The following KLF11 variants were observed in gnomAD, a reference collection of about 807,000 sequenced individuals.
The protein encoded by KLF11 is Krueppel-like factor 11.
A neutral mutation model predicts 29.9 loss-of-function variants in KLF11; 26 were observed. That is an observed-to-expected ratio of 0.87 (90% CI 0.64 to 1.21). The LOEUF (loss-of-function observed/expected upper bound fraction) is 1.21. Ranked by LOEUF, KLF11 falls within the 50% of genes most tolerant of loss-of-function variation. The pLI is 0.00. For missense variants in KLF11, 778 were observed against 665.7 expected, an observed-to-expected ratio of 1.17 and a Z score of -1.86; for synonymous variants, 318 against 257.4, an observed-to-expected ratio of 1.24 and a Z score of -2.25.
intron 1 of KLF11, chr2:10,044,249 C>T: frequency 1.0e-6 from 1 of 978,718 alleles, no homozygotes; most frequent in Non-Finnish European, 1.2e-6. Context: ...GGTCTAGGGG[C>T]CGGGGCAACG....
At position 10,048,495 on chromosome 2, in the gene KLF11, A is replaced by G; in HGVS notation, c.1158A>G (p.Val386=). ...CTAGCCAAAACTGTGTCCCTCAGGTAGACTTTTCCCGAAGGAGGAACTATG... is the reference window on the plus strand; with the variant it reads ...CTAGCCAAAACTGTGTCCCTCAGGTGGACTTTTCCCGAAGGAGGAACTATG... ...ITSSQNCVPQ[V]DFSRRRNYVC... The change falls in exon 3 of 4, where the codon GTA becomes GTG. Residue 386 remains valine (V), a synonymous_variant. Coordinates refer to ENST00000305883, the MANE Select transcript of KLF11 (RefSeq NM_003597.5). 6.2e-7 allele frequency: 1 copy of G among 1,613,960 alleles called. No individual in the cohort carries two copies. Among genetic ancestry groups the G allele is most frequent in the South Asian group, 1.1e-5 (1 of 91,088 alleles).
At chr2:10,047,109 T>C (rs2125278028) in intron 2 of KLF11, among the ~76,000 whole-genome samples, 2 of 152,290 alleles carry the variant, frequency 1.3e-5, no homozygotes, top group South Asian at 4.2e-4. Flanking sequence ...TTGCCTTCGT[T>C]GGGTGGCACC....
Position 10,048,265 on chromosome 2 carries a change from T to C in KLF11, c.928T>C (p.Ser310Pro), listed in dbSNP as rs759266535. The C allele has an allele frequency of 1.4e-5, 23 of 1,609,222 alleles. No individual in the cohort carries two copies. The highest frequency in any genetic ancestry group is 1.7e-4 in the Middle Eastern group (1 of 6,060). The change falls in exon 3 of 4, where the codon TCT becomes CCT. Residue 310 changes from serine (S) to proline (P), a missense_variant. By Grantham distance (74) the Ser-to-Pro change is moderately conservative. Coordinates refer to ENST00000305883, the MANE Select transcript of KLF11 (RefSeq NM_003597.5). ...PAFLKPPPQL[S>P]VGTVRPILAQ... The stretch of plus-strand genomic sequence containing the variant: ...TTTTTTGAAGCCCCCTCCCCAGTTG[T>C]CTGTGGGGACTGTGAGACCCATCCT...
chr2:10,052,611 G>A lies in KLF11; in HGVS notation c.*104G>A, dbSNP rs1274155925. The A allele has an allele frequency of 1.9e-5, 23 of 1,224,328 alleles. No homozygotes were observed. Among genetic ancestry groups the A allele is most frequent in the South Asian group, 1.0e-4 (8 of 77,464 alleles). The allele number at this position is 1,224,328 out of a possible 1,614,324, so 75.8% of individuals were successfully genotyped here. On this transcript the variant is annotated 3_prime_UTR_variant, in exon 4 of 4. Coordinates refer to ENST00000305883, the MANE Select transcript of KLF11 (RefSeq NM_003597.5). ...TGCCTCACCCAAAAAAAACGGTCTTGGCGGCCTAGGGGAAGATCGGGGAGC... is the reference window on the plus strand; with the variant it reads ...TGCCTCACCCAAAAAAAACGGTCTTAGCGGCCTAGGGGAAGATCGGGGAGC...
rs886054728 is a variant in KLF11, at chr2:10,053,461, C to G, written c.*954C>G. On this transcript the variant is annotated 3_prime_UTR_variant, in exon 4 of 4. Coordinates refer to ENST00000305883, the MANE Select transcript of KLF11 (RefSeq NM_003597.5). ...TACTATATTGTGGGTAGAGTAACTT[C>G]TCAGAAAAAAAGGAAATGTCTGTAT... 1.5e-5 allele frequency: 6 copies of G among 398,484 alleles called. No homozygotes were observed. 24.7% of individuals were successfully genotyped at this position (398,484 alleles called of 1,614,324 possible).
rs1661301377 is a variant in KLF11, at chr2:10,048,458, T to C, written c.1121T>C (p.Val374Ala). 1 of 1,614,042 alleles carries C rather than the reference T, an allele frequency of 6.2e-7. No individual in the cohort carries two copies. The highest frequency in any genetic ancestry group is 1.3e-5 in the African/African-American group (1 of 74,940). ...TTGTTGCCCCTTGCCCCTGCTCCAG[T>C]GTTCATCACCTCTAGCCAAAACTGT... is the stretch of plus-strand genomic sequence containing the variant. Reference protein sequence around the residue: ...TKLLPLAPAPVFITSSQNCVP... With the variant: ...TKLLPLAPAPAFITSSQNCVP... The change falls in exon 3 of 4, where the codon GTG becomes GCG. Residue 374 changes from valine (V) to alanine (A), a missense_variant. Physicochemically the swap from Val to Ala is moderately conservative, Grantham distance 64 (BLOSUM62 0). Transcript: ENST00000305883.
At chr2:10,045,208 C>T (rs1181589392) in intron 1 of KLF11, among the ~76,000 whole-genome samples, 4 of 152,046 alleles carry the variant, frequency 2.6e-5, no homozygotes, top group Admixed American at 2.6e-4. Flanking sequence ...GGTGGATCGC[C>T]TGAGGTCAGG....
In KLF11 at chr2:10,046,356, C is replaced by G. The variant is rs1223693295; in HGVS notation, c.249C>G (p.Thr83=). The change falls in exon 2 of 4, where the codon ACC becomes ACG. Residue 83 remains threonine, a synonymous_variant. Coordinates refer to ENST00000305883, the MANE Select transcript of KLF11 (RefSeq NM_003597.5). ...TCTCTGACTCTGGGGATGTCACCAC[C>G]ACTGTGCATATGGATGCAGCCACAC... ...TPVSDSGDVT[T]TVHMDAATPE... 11 of 1,614,188 alleles carry G rather than the reference C, an allele frequency of 6.8e-6. No homozygotes were observed. The highest frequency in any genetic ancestry group is 9.3e-6 in the Non-Finnish European group (11 of 1,180,046).
chr2:10,049,804 G>A (rs1230895084), intron 3 of KLF11, among the ~76,000 whole-genome samples: 1 of 152,192 alleles, frequency 6.6e-6, no homozygotes, highest in Non-Finnish European at 1.5e-5. Flanking sequence ...TGATAAAAGG[G>A]CCTGACACTA....
At chr2:10,050,214 C>G (rs921298623) in intron 3 of KLF11, among the ~76,000 whole-genome samples, 4 of 152,226 alleles carry the variant, frequency 2.6e-5, no homozygotes, top group Admixed American at 2.0e-4. Context: ...TGAGACCAGC[C>G]TGGCCAACAT....
At position 10,046,411 on chromosome 2, in the gene KLF11, T is replaced by C. The variant is rs1224075000; in HGVS notation, c.304T>C (p.Ser102Pro). The change falls in exon 2 of 4, where the codon TCG becomes CCG. Residue 102 changes from serine (S) to proline (P), a missense_variant. Ser to Pro is a moderately conservative substitution (Grantham distance 74). Coordinates refer to ENST00000305883, the MANE Select transcript of KLF11 (RefSeq NM_003597.5). ...PELPKDFHSLSTLCITPPQSP... is the reference protein window; with the variant it reads ...PELPKDFHSLPTLCITPPQSP... ...ACTACCAAAAGACTTCCATTCTTTA[T>C]CGACTCTGGTAAGAGGAGGTGGGAG... 1 of 1,613,902 alleles carries C rather than the reference T, an allele frequency of 6.2e-7. No homozygotes were observed. Among genetic ancestry groups the C allele is most frequent in the Non-Finnish European group, 8.5e-7 (1 of 1,180,046 alleles).
chr2:10,048,442 C>G lies in KLF11; in HGVS notation c.1105C>G (p.Leu369Val). ...MAAGNTKLLPLAPAPVFITSS... is the reference protein window; with the variant it reads ...MAAGNTKLLPVAPAPVFITSS... The stretch of plus-strand genomic sequence containing the variant: ...TGCCGGGAATACCAAGTTGTTGCCC[C>G]TTGCCCCTGCTCCAGTGTTCATCAC... The change falls in exon 3 of 4, where the codon CTT (leucine) becomes GTT (valine). Residue 369 changes from leucine (L) to valine (V), a missense_variant. By Grantham distance (32) the Leu-to-Val change is conservative. Transcript: ENST00000305883. 4 of 1,614,166 alleles carry G rather than the reference C, an allele frequency of 2.5e-6. No homozygotes were observed. In the South Asian group the frequency reaches 3.3e-5, roughly 13 times the overall value.
chr2:10,051,430 C>T (rs1390650847), intron 3 of KLF11, among the ~76,000 whole-genome samples: 1 of 151,902 alleles, frequency 6.6e-6, no homozygotes, highest in East Asian at 1.9e-4. Flanking sequence ...TGGTCTCGAA[C>T]TTCTGACCTC....
chr2:10,051,203 C>T (rs935823293), intron 3 of KLF11, among the ~76,000 whole-genome samples: 3 of 150,022 alleles, frequency 2.0e-5, no homozygotes, highest in Admixed American at 1.3e-4. Context: ...CCACCATGCC[C>T]GGCCGGTGCT....
chr2:10,046,895 C>T (rs1661223867), intron 2 of KLF11, among the ~76,000 whole-genome samples: 1 of 152,170 alleles, frequency 6.6e-6, no homozygotes, highest in African/African-American at 2.4e-5. Flanking sequence ...ACTTTTCTTT[C>T]ATTTCTGAAA....
In KLF11 at chr2:10,047,795, C is replaced by G; in HGVS notation, c.458C>G (p.Ala153Gly). ...AVVARALSGG[A>G]ERGLLGLEPV... is the part of the protein sequence containing the mutation. ...GTGGCCAGAGCTCTGAGCGGGGGCG[C>G]GGAGAGGGGCTTGCTGGGTTTGGAG... Residue 153 changes from alanine (A) to glycine (G), a missense_variant, in exon 3 of 4, where the codon GCG becomes GGG. Coordinates refer to ENST00000305883, the MANE Select transcript of KLF11 (RefSeq NM_003597.5). The G allele has an allele frequency of 1.9e-6, 3 of 1,613,628 alleles. No homozygotes were observed. Among genetic ancestry groups the G allele is most frequent in the Non-Finnish European group, 2.5e-6 (3 of 1,179,936 alleles).
chr2:10,045,524 C>T (rs531474555), intron 1 of KLF11, among the ~76,000 whole-genome samples: 3 of 152,300 alleles, frequency 2.0e-5, no homozygotes, highest in East Asian at 3.9e-4. Flanking sequence ...AAGAGATCCT[C>T]TCCGGGTTCG....
In KLF11 at chr2:10,048,252, C is replaced by T. The variant is rs763612610; in HGVS notation, c.915C>T (p.Pro305=). ...GCATGTTACCAGCTTTTTTGAAGCC[C>T]CCTCCCCAGTTGTCTGTGGGGACTG... ...QSSMLPAFLK[P]PPQLSVGTVR... is the part of the protein sequence containing the mutation. The change falls in exon 3 of 4, where the codon CCC becomes CCT. Residue 305 remains proline (P), a synonymous_variant. Transcript: ENST00000305883. The T allele has an allele frequency of 1.7e-4, 280 of 1,611,444 alleles. No individual in the cohort carries two copies. The highest frequency in any genetic ancestry group is 2.1e-4 in the Non-Finnish European group (245 of 1,178,280).
rs1305050184 is a variant in KLF11, at chr2:10,047,702, C to T, written c.365C>T (p.Pro122Leu). The change falls in exon 3 of 4, where the codon CCT becomes CTT. Residue 122 changes from proline to leucine, a missense_variant. Physicochemically the swap from Pro to Leu is moderately conservative, Grantham distance 98. Coordinates refer to ENST00000305883, the MANE Select transcript of KLF11 (RefSeq NM_003597.5). ...CTCGTGGAGCCATCGACAAGGACAC[C>T]TGTTTCTCCCCAAGTAACAGATTCC... ...PDLVEPSTRT[P>L]VSPQVTDSKA... 5.0e-6 allele frequency: 8 copies of T among 1,613,434 alleles called. No homozygotes were observed. The highest frequency in any genetic ancestry group is 6.8e-6 in the Non-Finnish European group (8 of 1,180,034).
Sources: allele counts gnomAD v4.1 joint callset (sites outside exome capture counted in the v4.1 genomes callset), GRCh38; gene constraint gnomAD v4.1.1; transcripts MANE v1.5; gene names NCBI Gene and HGNC (gene_info 2026-07-23, HGNC 2026-07-21).